Variants in INVS observed in about 807,000 individuals in gnomAD.
The protein encoded by INVS is inversin.
Under a neutral mutation model 108.8 loss-of-function variants are expected in INVS, and 86 were observed. The ratio of observed to expected loss-of-function variants is 0.79; its 90% CI spans 0.66 to 0.95. INVS has a LOEUF of 0.95. Ranked by LOEUF, INVS falls within the 40% of genes least tolerant of loss-of-function variation. The probability of loss-of-function intolerance (pLI) is 0.00; values close to 1 mark genes in which losing one functional copy is unlikely to be tolerated. For synonymous variants in INVS, 455 were observed against 473.5 expected (o/e 0.96, Z 0.51); for missense variants, 1,169 against 1,297.4 (o/e 0.90, Z 1.52).
intron 3 of INVS, among the ~76,000 whole-genome samples, chr9:100,183,531 G>A (rs1588070257): frequency 1.3e-5 from 2 of 152,044 alleles, no homozygotes; most frequent in African/African-American, 4.8e-5. Context: ...AGTGGCTTAC[G>A]CCTGTAATCC....
At chr9:100,292,212 C>A in intron 13 of INVS, 114 bp from the exon 14 acceptor site, 1 of 947,072 alleles carries the variant, frequency 1.1e-6, no homozygotes, top group Non-Finnish European at 1.7e-6. Flanking sequence ...TAGTCTGTAA[C>A]TGCCACTATT....
At chr9:100,296,094 C>T (rs769128885) in intron 14 of INVS, among the ~76,000 whole-genome samples, 1 of 152,106 alleles carries the variant, frequency 6.6e-6, no homozygotes, top group East Asian at 1.9e-4. Context: ...AGATTACTTC[C>T]CATTTGGTGC....
Position 100,301,704 on chromosome 9 carries a change from G to T in INVS, c.*1030G>T, listed in dbSNP as rs182667858. ...TATTTTACTCACAGGTATTTTGGGG[G>T]TTGCTTTCATTTTCTTCAGATCAGT... On this transcript the variant is annotated 3_prime_UTR_variant, in exon 17 of 17. Coordinates refer to ENST00000262457, the MANE Select transcript of INVS (RefSeq NM_014425.5). Among the ~76,000 whole-genome samples, 3 of 152,170 alleles carry T rather than the reference G, an allele frequency of 2.0e-5. No homozygotes were observed. Among genetic ancestry groups the T allele is most frequent in the Non-Finnish European group, 4.4e-5 (3 of 68,036 alleles).
chr9:100,182,953 G>T (rs1229124101), intron 3 of INVS, among the ~76,000 whole-genome samples: 1 of 152,134 alleles, frequency 6.6e-6, no homozygotes, highest in Admixed American at 6.5e-5. Context: ...CCATAAAAAG[G>T]ATGAGTTCAT....
At position 100,302,141 on chromosome 9, in the gene INVS, A is replaced by G; in HGVS notation, c.*1467A>G. 8.8e-7 allele frequency: 1 copy of G among 1,130,540 alleles called. No individual in the cohort carries two copies. Among genetic ancestry groups the G allele is most frequent in the Non-Finnish European group, 1.2e-6 (1 of 802,474 alleles). 70.0% of individuals were successfully genotyped at this position (1,130,540 alleles called of 1,614,324 possible). A position where few individuals can be genotyped will look rare whatever the true frequency, so the allele number is the denominator to read the frequency against. On this transcript the variant is annotated 3_prime_UTR_variant, in exon 17 of 17. Transcript: ENST00000262457. ...CTATTACATCAGTCTTTTTCTTCAA[A>G]TAAGATAGATGTGAATAAACAACTT...
At chr9:100,160,329 A>G (rs1481504861) in intron 3 of INVS, among the ~76,000 whole-genome samples, 1 of 152,210 alleles carries the variant, frequency 6.6e-6, no homozygotes. Context: ...GTACAACCCT[A>G]TGAGGTAGCC....
At chr9:100,259,877 T>C (rs1373539508) in intron 10 of INVS, among the ~76,000 whole-genome samples, 2 of 151,778 alleles carry the variant, frequency 1.3e-5, no homozygotes, top group Admixed American at 1.3e-4. Context: ...TTTCTTTTCT[T>C]TTTTTGTTTG....
chr9:100,105,372 G>A (rs1827139049), intron 2 of INVS, among the ~76,000 whole-genome samples: 1 of 152,046 alleles, frequency 6.6e-6, no homozygotes, highest in South Asian at 2.1e-4. Context: ...AACTTCTACT[G>A]GTGTACCGTA....
intron 11 of INVS, among the ~76,000 whole-genome samples, chr9:100,265,847 C>T (rs1404205564): frequency 1.3e-5 from 2 of 152,142 alleles, no homozygotes; most frequent in East Asian, 1.9e-4. Flanking sequence ...GAGGCCAAGG[C>T]GAGCAGATCA....
intron 3 of INVS, among the ~76,000 whole-genome samples, chr9:100,183,953 A>C (rs1027744797): frequency 6.6e-6 from 1 of 152,088 alleles, no homozygotes; most frequent in African/African-American, 2.4e-5. Flanking sequence ...TAATACATAT[A>C]TATGATATCT....
rs977984859 is a variant in INVS, at chr9:100,265,062, C to T, written c.1571+134C>T. ...GGTTCAAGCAATTCTTCTCCTTCAGCCTCCTGAGTACCTGGGATTACAGGC... is the reference window on the plus strand; with the variant it reads ...GGTTCAAGCAATTCTTCTCCTTCAGTCTCCTGAGTACCTGGGATTACAGGC... On this transcript the variant is annotated intron_variant, in intron 11 of 16. Transcript: ENST00000262457. 7 of 685,236 alleles carry T rather than the reference C, an allele frequency of 1.0e-5. No homozygotes were observed. In the East Asian group the frequency reaches 1.4e-4, roughly 13 times the overall value. The allele number at this position is 685,236 out of a possible 1,614,324, so 42.4% of individuals were successfully genotyped here.
At chr9:100,117,375 G>T (rs1564119754) in intron 2 of INVS, 6 of 759,516 alleles carry the variant, frequency 7.9e-6, no homozygotes, top group Non-Finnish European at 1.4e-5. Context: ...TCATTAATGG[G>T]CAGGGAGAAG....
At chr9:100,168,996 CATT>C (rs1829453467) in intron 3 of INVS, among the ~76,000 whole-genome samples, 1 of 152,054 alleles carries the variant, frequency 6.6e-6, no homozygotes, top group African/African-American at 2.4e-5. Flanking sequence ...GTTGTCATCT[CATT>C]GTCAGAATTA....
At chr9:100,183,907 A>T (rs1829975718) in intron 3 of INVS, among the ~76,000 whole-genome samples, 1 of 151,774 alleles carries the variant, frequency 6.6e-6, no homozygotes, top group Non-Finnish European at 1.5e-5. Context: ...AGCAAAAATT[A>T]TAAAACTATT....
At chr9:100,193,687 T>C (rs1398608336) in intron 3 of INVS, among the ~76,000 whole-genome samples, 3 of 152,250 alleles carry the variant, frequency 2.0e-5, no homozygotes, top group Non-Finnish European at 4.4e-5. Context: ...AGTGAAATCA[T>C]ATAAAACTAT....
At chr9:100,273,139 G>A (rs972338228) in intron 12 of INVS, 63 bp downstream of exon 12, 2 of 1,242,906 alleles carry the variant, frequency 1.6e-6, no homozygotes, top group African/African-American at 1.5e-5. Context: ...GTGGGGGTGT[G>A]GGGGGTGCTG....
In INVS at chr9:100,187,525, C is replaced by CTT. The variant is rs34728274; in HGVS notation, c.274-38519_274-38518dup. On this transcript the variant is annotated intron_variant, in intron 3 of 16. Coordinates refer to ENST00000262457, the MANE Select transcript of INVS (RefSeq NM_014425.5). ...CATTTGTTTGTATCATCTATGATTT[C>CTT]TTTTTTTTTTTTTTTTTTTGAGACA... is the stretch of plus-strand genomic sequence containing the variant. 4.3e-3 allele frequency among the ~76,000 whole-genome samples: 453 copies of CTT among 105,506 alleles called. 9 individuals are homozygous for CTT. Among genetic ancestry groups the CTT allele is most frequent in the Non-Finnish European group, 6.1e-3 (339 of 55,560 alleles). 69.2% of individuals were successfully genotyped at this position (105,506 alleles called of 152,430 possible).
In INVS at chr9:100,229,830, G is replaced by T. The variant is rs1406783966; in HGVS notation, c.615+3G>T. ...TTCACACAGTGAGATGCATTCTGGTGAGTTGAATGGTACTGCTAGACCTGA... is the reference window on the plus strand; with the variant it reads ...TTCACACAGTGAGATGCATTCTGGTTAGTTGAATGGTACTGCTAGACCTGA... On this transcript the variant is annotated splice_donor_region_variant and intron_variant, in intron 5 of 16. Coordinates refer to ENST00000262457, the MANE Select transcript of INVS (RefSeq NM_014425.5). The T allele has an allele frequency of 6.2e-7, 1 of 1,613,872 alleles. No homozygotes were observed. Among genetic ancestry groups the T allele is most frequent in the African/African-American group, 1.3e-5 (1 of 74,934 alleles).
rs768647525 is a variant in INVS, at chr9:100,229,772, A to C, written c.560A>C (p.His187Pro). The change falls in exon 5 of 17, where the codon CAC becomes CCC. Residue 187 changes from histidine (H) to proline (P), a missense_variant. By Grantham distance (77) the His-to-Pro change is moderately conservative (BLOSUM62 -2). This residue lies in a region of INVS where 365 missense variants were observed against 397.5 expected (regional missense o/e 0.92). Coordinates refer to ENST00000262457, the MANE Select transcript of INVS (RefSeq NM_014425.5). The stretch of plus-strand genomic sequence containing the variant: ...GATGTTGAAGGCAAGATCCCACTTC[A>C]CTGGGCAGCCAACCATAAAGATCCA... ...IPDVEGKIPL[H>P]WAANHKDPSA... is the part of the protein sequence containing the mutation. 1 of 1,614,182 alleles carries C rather than the reference A, an allele frequency of 6.2e-7. No homozygotes were observed. The highest frequency in any genetic ancestry group is 8.5e-7 in the Non-Finnish European group (1 of 1,180,024).
Sources: gnomAD v4.1 joint callset for allele counts (sites outside exome capture counted in the v4.1 genomes callset) on GRCh38, gnomAD v4.1.1 for gene constraint, gnomAD v4.1.1 regional missense constraint, MANE v1.5 for transcripts, NCBI Gene and HGNC (gene_info 2026-07-23, HGNC 2026-07-21) for gene names.